The following TASP1 variants were observed in gnomAD, a reference collection of about 807,000 sequenced individuals.
TASP1 encodes threonine aspartase 1.
TASP1 carries 16 observed loss-of-function variants against 56.6 expected under a neutral mutation model. That is an observed-to-expected ratio of 0.28 (90% confidence interval 0.19 to 0.43). TASP1 has a LOEUF of 0.43. Among genes scored for constraint, TASP1 ranks in the 20% least tolerant of loss-of-function variants. The pLI, the probability that TASP1 is intolerant of heterozygous loss-of-function variation, is 1.00. For synonymous variants in TASP1, 179 were observed against 184.2 expected (o/e 0.97, Z 0.23); for missense variants, 393 against 511.6 (o/e 0.77, Z 2.24).
At chr20:13,286,901 C>T in the TASP1 span, among the ~76,000 whole-genome samples, 4 of 152,210 alleles carry the variant, frequency 2.6e-5, no homozygotes, top group South Asian at 4.1e-4. Context: ...TTTAGCTCCA[C>T]GCTTGGCAGC....
At chr20:13,283,345 G>A in the TASP1 span, among the ~76,000 whole-genome samples, 4 of 152,198 alleles carry the variant, frequency 2.6e-5, no homozygotes, top group Non-Finnish European at 4.4e-5. Flanking sequence ...ACTGTATCTC[G>A]GGGCGTGCAG....
intron 13 of TASP1, among the ~76,000 whole-genome samples, chr20:13,406,028 T>C (rs185248506): frequency 4.2e-4 from 64 of 152,318 alleles, no homozygotes; most frequent in African/African-American, 1.5e-3. Flanking sequence ...GCTGATTCAT[T>C]GATTTTTAGG....
intron 2 of TASP1, among the ~76,000 whole-genome samples, chr20:13,628,269 T>C (rs912278735): frequency 6.6e-6 from 1 of 152,214 alleles, no homozygotes; most frequent in Non-Finnish European, 1.5e-5. Flanking sequence ...TGAAGCTTTA[T>C]GTTATTGCTT....
At chr20:13,472,005 T>C (rs1176521971) in intron 11 of TASP1, among the ~76,000 whole-genome samples, 2 of 151,920 alleles carry the variant, frequency 1.3e-5, no homozygotes, top group Non-Finnish European at 2.9e-5. Flanking sequence ...AAAGTTCATA[T>C]GGAACCAAAA....
chr20:13,248,950 A>G, the TASP1 span, among the ~76,000 whole-genome samples: 1 of 152,224 alleles, frequency 6.6e-6, no homozygotes, highest in Non-Finnish European at 1.5e-5. Context: ...AAAGTGCTGT[A>G]ACTTCTTAAG....
intron 10 of TASP1, among the ~76,000 whole-genome samples, chr20:13,520,293 A>G (rs913908749): frequency 9.9e-5 from 15 of 152,212 alleles, no homozygotes; most frequent in Admixed American, 9.8e-4. Flanking sequence ...ATATGAAACC[A>G]AAAAAGAGCC....
chr20:13,203,436 C>A, the TASP1 span, among the ~76,000 whole-genome samples: 301 of 152,306 alleles, frequency 2.0e-3, no homozygotes, highest in African/African-American at 7.0e-3. Context: ...TGCAAACACT[C>A]AATTTAGTTC....
chr20:13,151,654 T>C, the TASP1 span, among the ~76,000 whole-genome samples: 2 of 152,360 alleles, frequency 1.3e-5, no homozygotes, highest in Admixed American at 6.5e-5. Context: ...ATATACCATA[T>C]TGTTAACACA....
At chr20:13,616,373 A>G (rs1282462239) in intron 4 of TASP1, among the ~76,000 whole-genome samples, 1 of 152,162 alleles carries the variant, frequency 6.6e-6, no homozygotes, top group African/African-American at 2.4e-5. Context: ...AGAGAGTTCC[A>G]TGCTCCTCAG....
At chr20:13,443,682 T>A (rs1296126274) in intron 11 of TASP1, among the ~76,000 whole-genome samples, 2 of 152,198 alleles carry the variant, frequency 1.3e-5, no homozygotes, top group African/African-American at 4.8e-5. Flanking sequence ...TGTGCTATAA[T>A]CTTTAAGGAC....
chr20:13,425,387 A>G (rs1244357752), intron 12 of TASP1, among the ~76,000 whole-genome samples: 2 of 152,236 alleles, frequency 1.3e-5, no homozygotes, highest in African/African-American at 4.8e-5. Context: ...AGTTTTTTCT[A>G]TCCAAATGGA....
the TASP1 span, among the ~76,000 whole-genome samples, chr20:13,191,524 G>A: frequency 6.6e-6 from 1 of 152,144 alleles, no homozygotes; most frequent in Non-Finnish European, 1.5e-5. Context: ...ATTCATATGT[G>A]GAAGCTAAAA....
chr20:13,145,123 C>T, the TASP1 span, among the ~76,000 whole-genome samples: 1 of 152,034 alleles, frequency 6.6e-6, no homozygotes, highest in Non-Finnish European at 1.5e-5. Context: ...TGATGTGTTT[C>T]TCTGGTTAAG....
At chr20:13,468,054 A>C (rs1182647134) in intron 11 of TASP1, among the ~76,000 whole-genome samples, 2 of 151,926 alleles carry the variant, frequency 1.3e-5, no homozygotes, top group African/African-American at 2.4e-5. Context: ...AAAACAAAAA[A>C]CAAAAAACAA....
chr20:13,579,447 C>G (rs1202467552), intron 6 of TASP1, among the ~76,000 whole-genome samples: 1 of 151,988 alleles, frequency 6.6e-6, no homozygotes, highest in African/African-American at 2.4e-5. Flanking sequence ...CAGCTCACTG[C>G]AAGCTCCGCC....
the TASP1 span, among the ~76,000 whole-genome samples, chr20:13,271,984 G>A: frequency 9.9e-5 from 15 of 151,952 alleles, no homozygotes; most frequent in Admixed American, 3.3e-4. Flanking sequence ...TTGCCATATC[G>A]CTCAGGCTGG....
At chr20:13,133,863 C>T in the TASP1 span, among the ~76,000 whole-genome samples, 10 of 152,294 alleles carry the variant, frequency 6.6e-5, no homozygotes, top group African/African-American at 2.2e-4. Context: ...CACTTAACAT[C>T]CTTTCCCTAA....
chr20:13,459,255 C>T (rs1021179590), intron 11 of TASP1, among the ~76,000 whole-genome samples: 1 of 152,118 alleles, frequency 6.6e-6, no homozygotes, highest in Non-Finnish European at 1.5e-5. Flanking sequence ...AGTAACATCA[C>T]CTCTTGCGTG....
At chr20:13,612,833 G>C (rs893704023) in intron 4 of TASP1, among the ~76,000 whole-genome samples, 6 of 152,144 alleles carry the variant, frequency 3.9e-5, no homozygotes, top group African/African-American at 1.4e-4. Flanking sequence ...ACAGTAACAA[G>C]ATAACCAACT....
Sources: allele counts gnomAD v4.1 joint callset (sites outside exome capture counted in the v4.1 genomes callset), GRCh38; gene constraint gnomAD v4.1.1; transcripts MANE v1.5; gene names NCBI Gene and HGNC (gene_info 2026-07-23, HGNC 2026-07-21).